ADD2: variants seen among roughly 807,000 people sequenced by gnomAD.
ADD2 encodes the protein adducin 2, also known as beta-adducin.
A neutral mutation model predicts 83.0 loss-of-function variants in ADD2; 23 were observed. The ratio of observed to expected loss-of-function variants is 0.28; its 90% CI spans 0.20 to 0.39. The LOEUF is 0.39. Ranked by LOEUF, ADD2 falls within the 10% of genes least tolerant of loss-of-function variation. ADD2 has a pLI of 1.00. For synonymous variants in ADD2, 375 were observed against 375.4 expected (o/e 1.00, Z 0.01); for missense variants, 758 against 944.9 (o/e 0.80, Z 2.59).
At chr2:70,710,949 G>A (rs183565116) in intron 2 of ADD2, among the ~76,000 whole-genome samples, 47 of 152,328 alleles carry the variant, frequency 3.1e-4, no homozygotes, top group African/African-American at 1.1e-3. Flanking sequence ...TGAGAGGCTT[G>A]TGATTCAATT....
At chr2:70,761,538 A>G (rs1231997810) in intron 1 of ADD2, among the ~76,000 whole-genome samples, 281 of 146,448 alleles carry the variant, frequency 1.9e-3, no homozygotes, top group African/African-American at 6.7e-3. Context: ...AACCCAGGAG[A>G]CAGAGGTTGC....
intron 1 of ADD2, among the ~76,000 whole-genome samples, chr2:70,720,136 G>A (rs995810025): frequency 7.2e-5 from 11 of 152,100 alleles, no homozygotes; most frequent in African/African-American, 2.4e-4. Context: ...TTGGGCATAA[G>A]AGAAAATAGG....
intron 15 of ADD2, among the ~76,000 whole-genome samples, chr2:70,671,119 C>T (rs1183724781): frequency 6.6e-6 from 1 of 152,170 alleles, no homozygotes; most frequent in Non-Finnish European, 1.5e-5. Flanking sequence ...GCAGACCAGG[C>T]CCTCTATGCA....
chr2:70,673,170 T>C (rs1397815435), intron 14 of ADD2, 164 bp from the exon 15 acceptor site: 22 of 1,581,172 alleles, frequency 1.4e-5, no homozygotes, highest in Non-Finnish European at 1.9e-5. Context: ...CCTTCTTAGA[T>C]TTCTGCTACT....
rs141358814 is a variant in ADD2, at chr2:70,719,235, C to A, written c.-153-6051G>T. 3.2e-3 allele frequency among the ~76,000 whole-genome samples: 486 copies of A among 152,338 alleles called. 4 individuals are homozygous for A. Among genetic ancestry groups the A allele is most frequent in the African/African-American group, 0.011 (467 of 41,578 alleles). ...GTACAGCCACCTATGAGACTTGCTT[C>A]ATCTGGACTCAATACAATCCTTCCA... On this transcript the variant is annotated intron_variant, in intron 1 of 15. Coordinates refer to ENST00000264436, the MANE Select transcript of ADD2 (RefSeq NM_001617.4).
chr2:70,699,841 G>T (rs1214525495), intron 4 of ADD2, among the ~76,000 whole-genome samples: 9 of 152,062 alleles, frequency 5.9e-5, no homozygotes, highest in Non-Finnish European at 1.3e-4. Context: ...AAAATAAAAG[G>T]AAGATCAAAA....
intron 1 of ADD2, among the ~76,000 whole-genome samples, chr2:70,731,159 T>C (rs976540855): frequency 1.3e-5 from 2 of 152,250 alleles, no homozygotes; most frequent in East Asian, 1.9e-4. Context: ...CTTGCTTTAT[T>C]GTAATGGGGA....
intron 1 of ADD2, among the ~76,000 whole-genome samples, chr2:70,726,275 G>A (rs559380877): frequency 4.6e-5 from 7 of 151,916 alleles, no homozygotes; most frequent in Non-Finnish European, 8.8e-5. Flanking sequence ...AAGGGGCAGA[G>A]GTTGTAGATC....
At position 70,693,383 on chromosome 2, in the gene ADD2, T is replaced by C. The variant is rs1671147446; in HGVS notation, c.556-831A>G. ...GCCAGATGATAGTCTCTAAAACTCA[T>C]GACAACTTTAGCCCTTAAAACTGAG... On this transcript the variant is annotated intron_variant, in intron 6 of 15. Coordinates refer to ENST00000264436, the MANE Select transcript of ADD2 (RefSeq NM_001617.4). Among the ~76,000 whole-genome samples the C allele has an allele frequency of 3.9e-5, 6 of 152,276 alleles. No homozygotes were observed. The South Asian group carries it at 1.2e-3, about 32-fold the overall frequency.
chr2:70,671,403 G>A (rs1338981248), intron 15 of ADD2, among the ~76,000 whole-genome samples: 2 of 152,122 alleles, frequency 1.3e-5, no homozygotes, highest in African/African-American at 4.8e-5. Flanking sequence ...CATAGTGCAT[G>A]TGGAATTGGC....
intron 4 of ADD2, 152 bp downstream of exon 4, chr2:70,704,169 T>C: frequency 1.0e-6 from 1 of 965,908 alleles, no homozygotes; most frequent in Non-Finnish European, 1.5e-6. Flanking sequence ...GGTACCTCTC[T>C]GGCTGCTGCT....
At chr2:70,724,467 CT>C (rs781914544) in intron 1 of ADD2, among the ~76,000 whole-genome samples, 1 of 152,326 alleles carries the variant, frequency 6.6e-6, no homozygotes, top group East Asian at 1.9e-4. Flanking sequence ...AGGTATGTCT[CT>C]GCCCCCGCCC....
intron 1 of ADD2, among the ~76,000 whole-genome samples, chr2:70,721,367 C>T (rs1178498501): frequency 1.3e-5 from 2 of 152,196 alleles, no homozygotes; most frequent in Non-Finnish European, 2.9e-5. Flanking sequence ...TATTCTCCCC[C>T]CATGACTCTA....
chr2:70,725,318 G>A (rs781989777), intron 1 of ADD2, among the ~76,000 whole-genome samples: 13 of 152,152 alleles, frequency 8.5e-5, no homozygotes, highest in Non-Finnish European at 1.8e-4. Flanking sequence ...GAAGTTGAGC[G>A]CAAGTGAGGA....
At position 70,659,891 on chromosome 2, in the gene ADD2, C is replaced by G. The variant is rs781959667; in HGVS notation, c.*3534G>C. 12 of 152,344 alleles carry G rather than the reference C, an allele frequency of 7.9e-5. No homozygotes were observed. Among genetic ancestry groups the G allele is most frequent in the Non-Finnish European group, 1.8e-4 (12 of 68,158 alleles). 9.4% of individuals were successfully genotyped at this position (152,344 alleles called of 1,614,324 possible). On this transcript the variant is annotated 3_prime_UTR_variant, in exon 16 of 16. Transcript: ENST00000264436. ...ATAAGCTCAGAAACCTCTCCACTTC[C>G]CAGCTCAGCCAGCCACAGAGCAGCA... is the stretch of plus-strand genomic sequence containing the variant.
At chr2:70,674,108 T>C (rs1331844991) in intron 14 of ADD2, among the ~76,000 whole-genome samples, 1 of 152,132 alleles carries the variant, frequency 6.6e-6, no homozygotes. Context: ...AGGGAGGCCC[T>C]TCCTAGCTGG....
Position 70,704,346 on chromosome 2 carries a change from G to A in ADD2, c.297C>T (p.His99=), listed in dbSNP as rs1430169904. The A allele has an allele frequency of 5.6e-6, 9 of 1,605,422 alleles. No homozygotes were observed. Among genetic ancestry groups the A allele is most frequent in the East Asian group, 4.5e-5 (2 of 44,182 alleles). ...QIADFMASTS[H]AVFPTSSMNV... ...TCATGGAAGATGTCGGGAAGACTGCGTGGGAGGTGCTGGCCATGAAGTCCG... is the reference window on the plus strand; with the variant it reads ...TCATGGAAGATGTCGGGAAGACTGCATGGGAGGTGCTGGCCATGAAGTCCG... The change falls in exon 4 of 16, where the codon CAC becomes CAT. Residue 99 remains histidine, a synonymous_variant. Coordinates refer to ENST00000264436, the MANE Select transcript of ADD2 (RefSeq NM_001617.4).
chr2:70,730,089 G>A (rs1673205544), intron 1 of ADD2, among the ~76,000 whole-genome samples: 1 of 152,158 alleles, frequency 6.6e-6, no homozygotes, highest in Non-Finnish European at 1.5e-5. Flanking sequence ...AACACTTCAT[G>A]ATTTCTCAAG....
At chr2:70,678,625 G>A in intron 11 of ADD2, 79 bp downstream of exon 11, 1 of 1,498,952 alleles carries the variant, frequency 6.7e-7, no homozygotes, top group Middle Eastern at 2.3e-4. Flanking sequence ...GGTTTGTTCT[G>A]TTCCCGTTTT....
Sources: allele counts gnomAD v4.1 joint callset (sites outside exome capture counted in the v4.1 genomes callset), GRCh38; gene constraint gnomAD v4.1.1; transcripts MANE v1.5; gene names NCBI Gene and HGNC (gene_info 2026-07-23, HGNC 2026-07-21).